The following CELF2 variants were observed in gnomAD, a reference collection of about 807,000 sequenced individuals.
CELF2 encodes CUG triplet repeat RNA-binding protein 2.
A neutral mutation model predicts 62.6 loss-of-function variants in CELF2; 8 were observed. That is an observed-to-expected ratio of 0.13 (90% CI 0.07 to 0.23). The LOEUF (loss-of-function observed/expected upper bound fraction) is 0.23. Among genes scored for constraint, CELF2 ranks in the 10% least tolerant of loss-of-function variants. The probability of loss-of-function intolerance (pLI) is 1.00; values close to 1 mark genes in which losing one functional copy is unlikely to be tolerated. For missense variants in CELF2, 333 were observed against 671.0 expected (o/e 0.50, Z 5.56); for synonymous variants, 258 against 250.0 (o/e 1.03, Z -0.30).
the CELF2 span, among the ~76,000 whole-genome samples, chr10:10,488,904 A>G: frequency 6.6e-6 from 1 of 152,094 alleles, no homozygotes; most frequent in African/African-American, 2.4e-5. Context: ...AAAATCCCCA[A>G]CAGAGACACA....
chr10:10,618,594 C>T, the CELF2 span, among the ~76,000 whole-genome samples: 5 of 152,066 alleles, frequency 3.3e-5, no homozygotes, highest in African/African-American at 4.8e-5. Flanking sequence ...GCCTCTCATT[C>T]GTCTCTTGTT....
the CELF2 span, among the ~76,000 whole-genome samples, chr10:10,531,361 C>A: frequency 3.3e-5 from 5 of 152,136 alleles, no homozygotes; most frequent in Admixed American, 3.3e-4. Flanking sequence ...TTTAATCACG[C>A]TCTAAAACAA....
At chr10:10,727,632 C>G in the CELF2 span, among the ~76,000 whole-genome samples, 5 of 151,934 alleles carry the variant, frequency 3.3e-5, no homozygotes, top group African/African-American at 1.2e-4. Context: ...AAAAATTAGC[C>G]GGGCGTGCTG....
intron 2 of CELF2, among the ~76,000 whole-genome samples, chr10:10,949,826 C>CAAAAAAAAAAA (rs35952853): frequency 1.2e-5 from 1 of 82,270 alleles, no homozygotes; most frequent in Non-Finnish European, 2.5e-5. Flanking sequence ...ACACACACAC[C>CAAAAAAAAAAA]AAAAAAAAAA....
At chr10:11,124,980 A>G (rs563090887) in intron 1 of CELF2, among the ~76,000 whole-genome samples, 1 of 152,220 alleles carries the variant, frequency 6.6e-6, no homozygotes, top group Non-Finnish European at 1.5e-5. Flanking sequence ...GATTACAAAC[A>G]GGCATAAGGC....
intron 2 of CELF2, among the ~76,000 whole-genome samples, chr10:10,954,211 TTTATTATTATTATTA>T (rs148582483): frequency 0.048 from 6,537 of 137,270 alleles, 207 homozygotes; most frequent in Non-Finnish European, 0.065. Context: ...TGGCAATTTA[TTTATTATTATTATTA>T]TTATTATTAT....
chr10:11,303,984 G>A (rs190344604), intron 9 of CELF2, among the ~76,000 whole-genome samples: 225 of 152,360 alleles, frequency 1.5e-3, no homozygotes, highest in African/African-American at 5.3e-3. Flanking sequence ...CACCTTAGCT[G>A]TGCTCACTGT....
chr10:10,939,210 GGCCGCTA>G, intron 2 of CELF2, among the ~76,000 whole-genome samples: 1 of 136,716 alleles, frequency 7.3e-6, no homozygotes, highest in African/African-American at 2.8e-5. Flanking sequence ...TTATCAGTGT[GGCCGCTA>G]TTGTAACCCC....
At chr10:10,529,026 G>A in the CELF2 span, among the ~76,000 whole-genome samples, 1 of 152,168 alleles carries the variant, frequency 6.6e-6, no homozygotes, top group African/African-American at 2.4e-5. Flanking sequence ...ATCAGCCTGA[G>A]CAGGATAGAA....
the CELF2 span, among the ~76,000 whole-genome samples, chr10:10,731,826 A>G: frequency 3.9e-5 from 6 of 152,194 alleles, no homozygotes; most frequent in Non-Finnish European, 5.9e-5. Flanking sequence ...GGTCCATAGC[A>G]AACAGGTAAC....
At chr10:10,537,792 C>A in the CELF2 span, among the ~76,000 whole-genome samples, 1 of 152,138 alleles carries the variant, frequency 6.6e-6, no homozygotes, top group Non-Finnish European at 1.5e-5. Flanking sequence ...GAACAACTGA[C>A]ATTTTCTTAC....
intron 1 of CELF2, among the ~76,000 whole-genome samples, chr10:11,107,647 A>G (rs1180361951): frequency 6.6e-6 from 1 of 151,908 alleles, no homozygotes; most frequent in Admixed American, 6.6e-5. Flanking sequence ...CTTTTACTCT[A>G]ATGTTTGGCT....
At chr10:11,226,667 G>T (rs993993397) in intron 3 of CELF2, among the ~76,000 whole-genome samples, 1 of 151,644 alleles carries the variant, frequency 6.6e-6, no homozygotes, top group East Asian at 1.9e-4. Context: ...CACAGCAGGG[G>T]CATCGGGGCA....
At chr10:10,651,522 C>G in the CELF2 span, among the ~76,000 whole-genome samples, 1 of 122,498 alleles carries the variant, frequency 8.2e-6, no homozygotes, top group Non-Finnish European at 1.8e-5. Context: ...AGCTGGAGAT[C>G]TGAGAACCAG....
chr10:11,266,962 C>T (rs1055578495), intron 6 of CELF2, among the ~76,000 whole-genome samples: 21 of 152,178 alleles, frequency 1.4e-4, no homozygotes, highest in African/African-American at 4.8e-4. Context: ...GATGTAAAGT[C>T]GTGAGCACTT....
chr10:10,645,714 G>T, the CELF2 span, among the ~76,000 whole-genome samples: 12 of 152,276 alleles, frequency 7.9e-5, no homozygotes, highest in South Asian at 2.5e-3. Context: ...CAGAGTGCAG[G>T]GAGAGTGTCC....
At chr10:10,856,829 A>G (rs1313595570) in intron 1 of CELF2, among the ~76,000 whole-genome samples, 1 of 152,206 alleles carries the variant, frequency 6.6e-6, no homozygotes, top group African/African-American at 2.4e-5. Context: ...CTTCAAACAA[A>G]CAAAAATTAA....
At chr10:10,464,414 C>CAAA in the CELF2 span, among the ~76,000 whole-genome samples, 52,997 of 151,754 alleles carry the variant, frequency 0.35, 9,918 homozygotes, top group Admixed American at 0.43. Flanking sequence ...AGTCAAACCA[C>CAAA]AGTACTTGTC....
Position 11,165,131 on chromosome 10 carries a change from TA to T in CELF2, c.75-353del, listed in dbSNP as rs2066671373. The T allele has an allele frequency of 9.5e-7, 1 of 1,048,368 alleles. No individual in the cohort carries two copies. The highest frequency in any genetic ancestry group is 1.2e-6 in the Non-Finnish European group (1 of 868,576). The allele number at this position is 1,048,368 out of a possible 1,614,324, so 64.9% of individuals were successfully genotyped here. ...CCAGCCACAGCCAGGGTAGGGCTGATAAGGCGCTGATGCGTTGATGGCAGCC... is the reference window on the plus strand; with the variant it reads ...CCAGCCACAGCCAGGGTAGGGCTGATAGGCGCTGATGCGTTGATGGCAGCC... On this transcript the variant is annotated intron_variant, in intron 1 of 12. Coordinates refer to ENST00000633077, the MANE Select transcript of CELF2 (RefSeq NM_001326342.2). The surrounding 1 kb of genome is among the most constrained non-coding windows in gnomAD (Gnocchi z 7.4).
Sources: allele counts gnomAD v4.1 joint callset (sites outside exome capture counted in the v4.1 genomes callset), GRCh38; gene constraint gnomAD v4.1.1; non-coding constraint Gnocchi (gnomAD v3.1); transcripts MANE v1.5; gene names NCBI Gene and HGNC (gene_info 2026-07-23, HGNC 2026-07-21).